TCF7L2: variants seen among roughly 807,000 people sequenced by gnomAD.
TCF7L2 encodes the protein transcription factor 7-like 2.
TCF7L2 carries 23 observed loss-of-function variants against 77.9 expected under a neutral mutation model. That is an observed-to-expected ratio of 0.30 (90% confidence interval 0.21 to 0.42). TCF7L2 has a LOEUF of 0.42. TCF7L2 is among the 10% of genes least tolerant of loss of function. TCF7L2 has a pLI of 1.00. For synonymous variants in TCF7L2, 413 were observed against 340.2 expected (o/e 1.21, Z -2.36); for missense variants, 654 against 793.1 (o/e 0.82, Z 2.11).
At position 113,151,244 on chromosome 10, in the gene TCF7L2, C is replaced by A; in HGVS notation, c.1001+121C>A. 7.3e-7 allele frequency: 1 copy of A among 1,364,264 alleles called. No individual in the cohort carries two copies. The highest frequency in any genetic ancestry group is 1.0e-6 in the Non-Finnish European group (1 of 981,810). The allele number at this position is 1,364,264 out of a possible 1,614,324, so 84.5% of individuals were successfully genotyped here. ...TCGTTTGGTTTGACTGCAGCCAATA[C>A]CCAGCCTGTGTGGGCTCTTCACTCC... On this transcript the variant is annotated intron_variant, in intron 9 of 13. Coordinates refer to ENST00000627217, the MANE Select transcript of TCF7L2 (RefSeq NM_001146274.2). The surrounding 1 kb of genome is among the most constrained non-coding windows in gnomAD (Gnocchi z 5.2).
chr10:113,122,248 C>A (rs1272708606), intron 5 of TCF7L2, among the ~76,000 whole-genome samples: 2 of 152,168 alleles, frequency 1.3e-5, no homozygotes, highest in African/African-American at 2.4e-5. Context: ...CCAAACTTCT[C>A]TATGAAACTG....
intron 4 of TCF7L2, among the ~76,000 whole-genome samples, chr10:113,014,923 C>T (rs2047085378): frequency 6.6e-6 from 1 of 152,236 alleles, no homozygotes; most frequent in African/African-American, 2.4e-5. Flanking sequence ...TGTAGTGGCT[C>T]ATGCCTATAA....
intron 4 of TCF7L2, among the ~76,000 whole-genome samples, chr10:112,986,585 T>G (rs1011832549): frequency 1.3e-5 from 2 of 152,208 alleles, no homozygotes; most frequent in African/African-American, 4.8e-5. Flanking sequence ...AAAGCTCTTT[T>G]GAAAGTAAAG....
chr10:112,977,480 A>T (rs189778697), intron 4 of TCF7L2, among the ~76,000 whole-genome samples: 2 of 152,360 alleles, frequency 1.3e-5, no homozygotes, highest in Admixed American at 1.3e-4. Flanking sequence ...GCCGTCATCA[A>T]ACTAATTGTT....
At chr10:112,973,362 T>A (rs1468507060) in intron 4 of TCF7L2, among the ~76,000 whole-genome samples, 1 of 152,068 alleles carries the variant, frequency 6.6e-6, no homozygotes, top group East Asian at 1.9e-4. Flanking sequence ...CAAACAATAT[T>A]CAGCCCAGGC....
chr10:112,965,615 CTGTGTGTGTGTATATG>C (rs200126599), intron 4 of TCF7L2, among the ~76,000 whole-genome samples: 11,490 of 143,956 alleles, frequency 0.08, 1,025 homozygotes, highest in East Asian at 0.51. Flanking sequence ...GATAACTTGT[CTGTGTGTGTGTATATG>C]TGTGTGTGTG....
chr10:113,065,236 A>T (rs776170345), intron 5 of TCF7L2, among the ~76,000 whole-genome samples: 47 of 152,226 alleles, frequency 3.1e-4, no homozygotes, highest in Non-Finnish European at 5.7e-4. Context: ...AACCTCATGA[A>T]TAGGCAAAAG....
At chr10:112,955,097 C>T (rs1193976519) in intron 3 of TCF7L2, among the ~76,000 whole-genome samples, 1 of 150,804 alleles carries the variant, frequency 6.6e-6, no homozygotes, top group African/African-American at 2.5e-5. Context: ...TGTCCTCCCA[C>T]CCCCCCACCT....
intron 5 of TCF7L2, among the ~76,000 whole-genome samples, chr10:113,082,616 T>TGC (rs974253869): frequency 2.2e-4 from 34 of 152,028 alleles, no homozygotes; most frequent in African/African-American, 6.8e-4. Context: ...TGTGTGTGTG[T>TGC]GTGCACGTGC....
intron 5 of TCF7L2, among the ~76,000 whole-genome samples, chr10:113,135,934 G>A (rs148325225): frequency 5.3e-5 from 8 of 152,190 alleles, no homozygotes; most frequent in Admixed American, 2.6e-4. Context: ...CCAATAGGAA[G>A]GTTGGCCCAG....
At chr10:113,137,992 C>T (rs2067677430) in intron 5 of TCF7L2, among the ~76,000 whole-genome samples, 1 of 152,186 alleles carries the variant, frequency 6.6e-6, no homozygotes, top group Non-Finnish European at 1.5e-5. Flanking sequence ...GAAAATCCCT[C>T]CATCATAGAG....
chr10:113,014,074 A>G (rs931974563), intron 4 of TCF7L2, among the ~76,000 whole-genome samples: 1 of 152,240 alleles, frequency 6.6e-6, no homozygotes, highest in East Asian at 1.9e-4. Context: ...TTGAGTTAAC[A>G]CAGGAGGACA....
chr10:112,966,986 C>A (rs149778403), intron 4 of TCF7L2, among the ~76,000 whole-genome samples: 1 of 152,140 alleles, frequency 6.6e-6, no homozygotes, highest in Non-Finnish European at 1.5e-5. Context: ...CTGCTAGACC[C>A]GCACAAGGCC....
chr10:112,965,185 A>G (rs139817079), intron 4 of TCF7L2, among the ~76,000 whole-genome samples: 96 of 152,268 alleles, frequency 6.3e-4, no homozygotes, highest in African/African-American at 2.2e-3. Context: ...GGACCTGTCT[A>G]TGTATGACAC....
At chr10:112,963,967 G>A (rs2035917121) in intron 3 of TCF7L2, among the ~76,000 whole-genome samples, 1 of 152,188 alleles carries the variant, frequency 6.6e-6, no homozygotes, top group African/African-American at 2.4e-5. Context: ...GATGGCCTGG[G>A]ATGGACAGCT....
chr10:113,008,205 C>G (rs906986937), intron 4 of TCF7L2, among the ~76,000 whole-genome samples: 1 of 152,186 alleles, frequency 6.6e-6, no homozygotes, highest in Non-Finnish European at 1.5e-5. Flanking sequence ...GGTTTTCAAA[C>G]CCATTTTGGC....
At chr10:113,156,742 C>T (rs2071989744) in intron 11 of TCF7L2, among the ~76,000 whole-genome samples, 1 of 152,206 alleles carries the variant, frequency 6.6e-6, no homozygotes. Flanking sequence ...AAAAGAGCTT[C>T]CTTGGAGGGC....
At chr10:113,054,746 A>G (rs2055063665) in intron 5 of TCF7L2, among the ~76,000 whole-genome samples, 1 of 151,846 alleles carries the variant, frequency 6.6e-6, no homozygotes, top group Non-Finnish European at 1.5e-5. Flanking sequence ...TTCGACATCT[A>G]TTTATATTAA....
At chr10:113,130,752 AATTATTATT>A (rs147371098) in intron 5 of TCF7L2, among the ~76,000 whole-genome samples, 5 of 148,912 alleles carry the variant, frequency 3.4e-5, no homozygotes, top group South Asian at 2.1e-4. Context: ...CTTTTTAAAA[AATTATTATT>A]ATTATTATTA....
Sources: gnomAD v4.1 joint callset for allele counts (sites outside exome capture counted in the v4.1 genomes callset) on GRCh38, gnomAD v4.1.1 for gene constraint, Gnocchi (gnomAD v3.1) non-coding constraint, MANE v1.5 for transcripts, NCBI Gene and HGNC (gene_info 2026-07-23, HGNC 2026-07-21) for gene names.